Variants in DMD observed in about 807,000 individuals in gnomAD.
The protein encoded by DMD is mutant dystrophin.
A neutral mutation model predicts 330.1 loss-of-function variants in DMD; 63 were observed. The observed-to-expected ratio is 0.19, with a 90% CI of 0.16 to 0.24. The LOEUF is 0.24. Among genes scored for constraint, DMD ranks in the 10% least tolerant of loss-of-function variants. DMD has a pLI of 1.00. For missense variants in DMD, 3,344 were observed against 2,684.1 expected (o/e 1.25, Z -5.43); for synonymous variants, 1,223 against 959.8 (o/e 1.27, Z -5.07).
intron 50 of DMD, among the ~76,000 whole-genome samples, chrX:31,819,766 C>G (rs918771030): frequency 1.8e-5 from 2 of 113,175 alleles, no homozygotes; most frequent in Admixed American, 9.3e-5. Context: ...CCAGAGAACA[C>G]TCCCCATATC....
At chrX:32,350,255 G>A (rs184049665) in intron 37 of DMD, among the ~76,000 whole-genome samples, 7 of 110,751 alleles carry the variant, frequency 6.3e-5, no homozygotes, top group Admixed American at 1.9e-4. Flanking sequence ...AATTTTCTAC[G>A]AATTTAACAA....
chrX:31,314,742 CAGAGAGAGAGAGAGAGAGAGAG>C (rs199994602), intron 62 of DMD, among the ~76,000 whole-genome samples: 6 of 55,283 alleles, frequency 1.1e-4, no homozygotes, highest in Non-Finnish European at 1.9e-4. Context: ...AATACATACA[CAGAGAGAGAGAGAGAGAGAGAG>C]AGAGAGAGAG....
chrX:31,323,663 AAAG>A lies in DMD; in HGVS notation c.9164-8_9164-6del, dbSNP rs2148297627. 1.7e-6 allele frequency: 2 copies of A among 1,207,886 alleles called. No individual in the cohort carries two copies. Among genetic ancestry groups the A allele is most frequent in the South Asian group, 1.8e-5 (1 of 56,528 alleles). On this transcript the variant is annotated splice_region_variant and splice_polypyrimidine_tract_variant and intron_variant, in intron 61 of 78. Coordinates refer to ENST00000357033, the MANE Select transcript of DMD (RefSeq NM_004006.3). ...CCCAGGGACCCTGGACAGACGCTGA[AAAG>A]AAGGGAGGAAAAAAAGAAAGGCAAG...
chrX:31,449,058 G>A (rs1457562500), intron 59 of DMD, among the ~76,000 whole-genome samples: 1 of 111,876 alleles, frequency 8.9e-6, no homozygotes, highest in Non-Finnish European at 1.9e-5. Context: ...ATTTTGACTT[G>A]ACAGTTAAGA....
intron 2 of DMD, among the ~76,000 whole-genome samples, chrX:32,902,825 G>A (rs1476221558): frequency 9.1e-6 from 1 of 110,304 alleles, no homozygotes. Context: ...GTCTATATAC[G>A]TGGGAAATTT....
intron 1 of DMD, among the ~76,000 whole-genome samples, chrX:33,187,474 G>A (rs1031765381): frequency 1.7e-4 from 19 of 112,583 alleles, no homozygotes; most frequent in African/African-American, 5.8e-4. Flanking sequence ...TCCAAAGCAG[G>A]CCACAGATCC....
intron 43 of DMD, among the ~76,000 whole-genome samples, chrX:32,287,250 G>A (rs1461087006): frequency 9.0e-6 from 1 of 111,461 alleles, no homozygotes; most frequent in East Asian, 2.8e-4. Context: ...ACTGTTTATA[G>A]CACCTCAATG....
chrX:32,275,492 T>C (rs2097382492), intron 43 of DMD, among the ~76,000 whole-genome samples: 1 of 111,749 alleles, frequency 8.9e-6, no homozygotes, highest in Non-Finnish European at 1.9e-5. Flanking sequence ...CCAAAGATTG[T>C]AGACATATGT....
chrX:31,822,941 G>T (rs2092806100), intron 49 of DMD, among the ~76,000 whole-genome samples: 1 of 110,564 alleles, frequency 9.0e-6, no homozygotes, highest in African/African-American at 3.3e-5. Context: ...TTGGAAAGAG[G>T]ACTAACTTTC....
intron 47 of DMD, among the ~76,000 whole-genome samples, chrX:31,900,149 A>C (rs2094402681): frequency 9.0e-6 from 1 of 111,461 alleles, no homozygotes; most frequent in African/African-American, 3.3e-5. Context: ...TGTAGAACAG[A>C]GAGTTAATTC....
intron 51 of DMD, among the ~76,000 whole-genome samples, chrX:31,753,549 A>G (rs2088786278): frequency 8.9e-6 from 1 of 111,874 alleles, no homozygotes; most frequent in Non-Finnish European, 1.9e-5. Flanking sequence ...TAAATCTCAA[A>G]CTAGGAAAAA....
intron 55 of DMD, among the ~76,000 whole-genome samples, chrX:31,619,812 T>A (rs1452487863): frequency 8.9e-6 from 1 of 112,248 alleles, no homozygotes; most frequent in African/African-American, 3.2e-5. Flanking sequence ...ACAATTAACA[T>A]GTTTACGTAT....
At chrX:32,845,156 A>T (rs2080545610) in intron 3 of DMD, among the ~76,000 whole-genome samples, 1 of 112,211 alleles carries the variant, frequency 8.9e-6, no homozygotes, top group Non-Finnish European at 1.9e-5. Flanking sequence ...CACCAATGAC[A>T]GAAACATCAG....
chrX:31,507,924 A>G (rs1244154922), intron 55 of DMD, among the ~76,000 whole-genome samples: 2 of 111,930 alleles, frequency 1.8e-5, no homozygotes, highest in Non-Finnish European at 3.8e-5. Context: ...ACTAATAAAC[A>G]AGATTGCACT....
At position 32,692,100 on chromosome X, in the gene DMD, C is replaced by A. The variant is rs1041607088; in HGVS notation, c.960+5770G>T. Among the ~76,000 whole-genome samples the A allele has an allele frequency of 1.8e-5, 2 of 111,967 alleles. 1 individual carries two copies. The highest frequency in any genetic ancestry group is 3.8e-5 in the Non-Finnish European group (2 of 53,138). ...TTGTACAACTTGTACCTATACTGAA[C>A]AATGCTGTATTTTACACTTAAAAAT... On this transcript the variant is annotated intron_variant, in intron 9 of 78. Transcript: ENST00000357033.
chrX:33,121,826 C>T (rs1278253114), intron 1 of DMD, among the ~76,000 whole-genome samples: 1 of 112,107 alleles, frequency 8.9e-6, no homozygotes, highest in Non-Finnish European at 1.9e-5. Flanking sequence ...ATTTGAACAG[C>T]AGGCTAGCTC....
chrX:31,135,753 C>T (rs2035140100), intron 76 of DMD, among the ~76,000 whole-genome samples: 2 of 112,687 alleles, frequency 1.8e-5, no homozygotes, highest in Non-Finnish European at 3.8e-5. Flanking sequence ...AATATACAAT[C>T]TTCCAATAGT....
chrX:32,428,743 C>T (rs149997650), intron 29 of DMD, among the ~76,000 whole-genome samples: 1,515 of 111,159 alleles, frequency 0.014, 17 homozygotes, highest in Middle Eastern at 0.028. Context: ...TCCCAAGCAG[C>T]TGGGACTACA....
chrX:31,845,054 G>GTATACATATA (rs770729132), intron 48 of DMD, among the ~76,000 whole-genome samples: 11 of 82,410 alleles, frequency 1.3e-4, no homozygotes, highest in African/African-American at 4.7e-4. Flanking sequence ...ATGTATATGT[G>GTATACATATA]TGTATATATA....
Sources: allele counts gnomAD v4.1 joint callset (sites outside exome capture counted in the v4.1 genomes callset), GRCh38; gene constraint gnomAD v4.1.1; transcripts MANE v1.5; gene names NCBI Gene and HGNC (gene_info 2026-07-23, HGNC 2026-07-21).